The following SLC2A13 variants were observed in gnomAD, a reference collection of about 807,000 sequenced individuals.
The protein encoded by SLC2A13 is solute carrier family 2 member 13.
A neutral mutation model predicts 64.4 loss-of-function variants in SLC2A13; 32 were observed. The observed-to-expected ratio is 0.50, with a 90% CI of 0.37 to 0.67. The LOEUF (loss-of-function observed/expected upper bound fraction) is 0.67. Among genes scored for constraint, SLC2A13 ranks in the 30% least tolerant of loss-of-function variants. SLC2A13 has a pLI of 0.00. For missense variants in SLC2A13, 743 were observed against 829.2 expected (o/e 0.90, Z 1.28); for synonymous variants, 338 against 327.1 (o/e 1.03, Z -0.36).
At chr12:39,911,977 G>C (rs1310363296) in intron 4 of SLC2A13, among the ~76,000 whole-genome samples, 2 of 152,102 alleles carry the variant, frequency 1.3e-5, no homozygotes, top group East Asian at 3.9e-4. Flanking sequence ...GGCTGATTCT[G>C]ACACTTACCA....
At position 39,760,151 on chromosome 12, in the gene SLC2A13, G is replaced by C. The variant is rs1347091067; in HGVS notation, c.1822C>G (p.Leu608Val). 2 of 1,612,960 alleles carry C rather than the reference G, an allele frequency of 1.2e-6. No individual in the cohort carries two copies. The highest frequency in any genetic ancestry group is 3.3e-5 in the Admixed American group (2 of 59,798). ...CATGTACATAGCCTGTTGTCAAAGA[G>C]TGATTCAATTTCCTCTAATTTTTTG... is the stretch of plus-strand genomic sequence containing the variant. ...KGKKLEEIES[L>V]FDNRLCTCGT... Residue 608 changes from leucine (L) to valine (V), a missense_variant, in exon 10 of 10, where the codon CTC (leucine) becomes GTC (valine). Transcript: ENST00000280871.
chr12:39,887,334 C>T (rs972100176), intron 4 of SLC2A13, among the ~76,000 whole-genome samples: 3 of 152,104 alleles, frequency 2.0e-5, no homozygotes, highest in African/African-American at 7.2e-5. Flanking sequence ...CAAGTTATAT[C>T]CCAAAAGTAC....
At chr12:39,972,712 C>T (rs1464131110) in intron 3 of SLC2A13, among the ~76,000 whole-genome samples, 2 of 152,052 alleles carry the variant, frequency 1.3e-5, no homozygotes, top group Non-Finnish European at 2.9e-5. Flanking sequence ...TTAAAAAACC[C>T]ATATCATTCT....
chr12:40,100,528 T>C (rs1464850845), intron 1 of SLC2A13, among the ~76,000 whole-genome samples: 1 of 152,318 alleles, frequency 6.6e-6, no homozygotes, highest in Middle Eastern at 3.4e-3. Flanking sequence ...TACACAATGA[T>C]AGAAAATAAA....
At chr12:39,874,085 A>C (rs1174220522) in intron 4 of SLC2A13, among the ~76,000 whole-genome samples, 1 of 152,220 alleles carries the variant, frequency 6.6e-6, no homozygotes, top group Non-Finnish European at 1.5e-5. Context: ...CGACACATAA[A>C]AGCAACAGTG....
intron 5 of SLC2A13, among the ~76,000 whole-genome samples, chr12:39,866,179 T>A (rs573056311): frequency 1.3e-5 from 2 of 152,322 alleles, no homozygotes; most frequent in East Asian, 3.9e-4. Flanking sequence ...AACAAAAATA[T>A]TCAAAATAGA....
intron 5 of SLC2A13, among the ~76,000 whole-genome samples, chr12:39,865,655 G>A (rs1943887949): frequency 6.6e-6 from 1 of 152,168 alleles, no homozygotes; most frequent in Non-Finnish European, 1.5e-5. Flanking sequence ...AGGGTCATGG[G>A]AAGAATGGAG....
rs756788970 is a variant in SLC2A13, at chr12:40,028,483, G to A, written c.743C>T (p.Pro248Leu). The change falls in exon 3 of 10, where the codon CCG (proline) becomes CTG (leucine). Residue 248 changes from proline (P) to leucine (L), a missense_variant. Physicochemically the swap from Pro to Leu is moderately conservative, Grantham distance 98 (BLOSUM62 -3). Coordinates refer to ENST00000280871, the MANE Select transcript of SLC2A13 (RefSeq NM_052885.4). ...AAAGCCAAAAAACTGTATAACCGCC[G>A]GAACTGCTGCAAGTCCCAACATGTA... ...WRYMLGLAAV[P>L]AVIQFFGFLF... 60 of 1,613,762 alleles carry A rather than the reference G, an allele frequency of 3.7e-5. 1 individual carries two copies. The highest frequency in any genetic ancestry group is 1.4e-4 in the South Asian group (13 of 91,056).
intron 1 of SLC2A13, among the ~76,000 whole-genome samples, chr12:40,084,657 T>A (rs17518378): frequency 3.3e-4 from 50 of 152,332 alleles, no homozygotes; most frequent in African/African-American, 1.1e-3. Flanking sequence ...CATTTTTTTT[T>A]AAATGAATTC....
intron 7 of SLC2A13, among the ~76,000 whole-genome samples, chr12:39,774,717 A>G (rs1940712444): frequency 6.6e-6 from 1 of 152,070 alleles, no homozygotes; most frequent in African/African-American, 2.4e-5. Context: ...ATTAAATCAT[A>G]GATATGGGTA....
rs538513683 is a variant in SLC2A13, at chr12:39,813,951, C to T, written c.1445+16152G>A. Among the ~76,000 whole-genome samples, 21 of 152,286 alleles carry T rather than the reference C, an allele frequency of 1.4e-4. No individual in the cohort carries two copies. The South Asian group carries it at 2.7e-3, about 20-fold the overall frequency. On this transcript the variant is annotated intron_variant, in intron 7 of 9. Transcript: ENST00000280871. Reference sequence around the variant, plus strand: ...TCACATCTTGGATAACTCCACATTTCGAAAGTTTCAATCTTGGACAATTTC... The same window carrying T: ...TCACATCTTGGATAACTCCACATTTTGAAAGTTTCAATCTTGGACAATTTC...
At chr12:40,004,640 G>A (rs1211307823) in intron 3 of SLC2A13, among the ~76,000 whole-genome samples, 9 of 150,446 alleles carry the variant, frequency 6.0e-5, no homozygotes, top group Admixed American at 5.3e-4. Context: ...CAGTTCTAGA[G>A]GCTAAAATGT....
At chr12:39,855,832 AAG>A (rs1943594373) in intron 6 of SLC2A13, among the ~76,000 whole-genome samples, 1 of 152,220 alleles carries the variant, frequency 6.6e-6, no homozygotes, top group South Asian at 2.1e-4. Flanking sequence ...GTTACAGTTG[AAG>A]AGACATGTGA....
At chr12:39,897,763 A>T (rs1944966245) in intron 4 of SLC2A13, among the ~76,000 whole-genome samples, 1 of 152,170 alleles carries the variant, frequency 6.6e-6, no homozygotes, top group Non-Finnish European at 1.5e-5. Flanking sequence ...ATATTTTAAA[A>T]AATCATTTTC....
At chr12:39,771,004 A>G (rs6581326) in intron 7 of SLC2A13, among the ~76,000 whole-genome samples, 148,017 of 152,220 alleles carry the variant, frequency 0.97, 71,965 homozygotes, top group East Asian at 1. Flanking sequence ...CTACCTCAAA[A>G]GGCTATTTTG....
chr12:39,917,348 A>C (rs1945538548), intron 4 of SLC2A13, among the ~76,000 whole-genome samples: 1 of 152,120 alleles, frequency 6.6e-6, no homozygotes, highest in Non-Finnish European at 1.5e-5. Context: ...TTTAGAACCA[A>C]GACAAAAGCC....
intron 3 of SLC2A13, among the ~76,000 whole-genome samples, chr12:39,986,470 G>A (rs899424688): frequency 4.0e-5 from 6 of 151,782 alleles, no homozygotes; most frequent in African/African-American, 1.5e-4. Context: ...TGTTTTTTAA[G>A]TTCAATCTGT....
intron 3 of SLC2A13, among the ~76,000 whole-genome samples, chr12:39,989,069 G>C (rs1441192296): frequency 1.3e-5 from 2 of 152,160 alleles, no homozygotes; most frequent in Non-Finnish European, 2.9e-5. Context: ...TAAGTCTGCT[G>C]TGTCAGTCCT....
At chr12:39,974,940 A>G (rs896788219) in intron 3 of SLC2A13, among the ~76,000 whole-genome samples, 1 of 152,222 alleles carries the variant, frequency 6.6e-6, no homozygotes, top group African/African-American at 2.4e-5. Flanking sequence ...TTTTGTGTTC[A>G]GGCACTTTTA....
Sources: allele counts gnomAD v4.1 joint callset (sites outside exome capture counted in the v4.1 genomes callset), GRCh38; gene constraint gnomAD v4.1.1; transcripts MANE v1.5; gene names NCBI Gene and HGNC (gene_info 2026-07-23, HGNC 2026-07-21).